PCDH11X: variants seen among roughly 807,000 people sequenced by gnomAD.
PCDH11X encodes protocadherin 11 X-linked, also known as protocadherin-11 X-linked.
PCDH11X carries 18 observed loss-of-function variants against 53.3 expected under a neutral mutation model. That is an observed-to-expected ratio of 0.34 (90% confidence interval 0.23 to 0.50). PCDH11X has a LOEUF of 0.50. PCDH11X is among the 20% of genes least tolerant of loss of function. PCDH11X has a pLI of 0.98. For synonymous variants in PCDH11X, 279 were observed against 393.3 expected, an observed-to-expected ratio of 0.71 and a Z score of 3.44; for missense variants, 570 against 1,032.4, an observed-to-expected ratio of 0.55 and a Z score of 6.14.
chrX:92,580,487 C>G (rs1038768182), intron 10 of PCDH11X, among the ~76,000 whole-genome samples: 2 of 107,814 alleles, frequency 1.9e-5, no homozygotes, highest in Admixed American at 9.7e-5. Flanking sequence ...GGGATGGATC[C>G]TAGTCCCATC....
intron 6 of PCDH11X, among the ~76,000 whole-genome samples, chrX:92,129,979 C>T (rs1253104212): frequency 1.8e-5 from 2 of 111,894 alleles, no homozygotes; most frequent in Non-Finnish European, 3.8e-5. Context: ...CGCACACGCA[C>T]ACGCACATGC....
At chrX:92,069,743 A>T (rs1267581944) in intron 6 of PCDH11X, among the ~76,000 whole-genome samples, 4 of 111,599 alleles carry the variant, frequency 3.6e-5, no homozygotes, top group Non-Finnish European at 7.5e-5. Context: ...GTGCAGTGGC[A>T]CGATTTTGAC....
intron 7 of PCDH11X, among the ~76,000 whole-genome samples, chrX:92,230,539 T>A (rs1269502755): frequency 3.2e-5 from 3 of 93,774 alleles, no homozygotes; most frequent in African/African-American, 1.2e-4. Flanking sequence ...ACATATATAA[T>A]ATCTATAATA....
At chrX:92,475,506 A>G (rs2073364423) in intron 10 of PCDH11X, among the ~76,000 whole-genome samples, 1 of 111,944 alleles carries the variant, frequency 8.9e-6, no homozygotes, top group Non-Finnish European at 1.9e-5. Context: ...CCACTCTCTC[A>G]TGCCCTGTAA....
chrX:92,596,771 G>A (rs1356507112), intron 10 of PCDH11X, among the ~76,000 whole-genome samples: 1 of 110,145 alleles, frequency 9.1e-6, no homozygotes, highest in Non-Finnish European at 1.9e-5. Context: ...GAAAACAACA[G>A]GCCCCAATGT....
At chrX:92,227,781 T>C (rs773520546) in intron 7 of PCDH11X, among the ~76,000 whole-genome samples, 1 of 111,155 alleles carries the variant, frequency 9.0e-6, no homozygotes, top group African/African-American at 3.3e-5. Context: ...TAGGAGCCTA[T>C]TGAAAAATTC....
At chrX:91,803,774 C>A (rs1404936865) in intron 1 of PCDH11X, among the ~76,000 whole-genome samples, 4 of 111,725 alleles carry the variant, frequency 3.6e-5, no homozygotes, top group Non-Finnish European at 7.5e-5. Flanking sequence ...TGATTACATT[C>A]TTTGGAAATT....
intron 6 of PCDH11X, among the ~76,000 whole-genome samples, chrX:91,919,764 A>G (rs962076086): frequency 5.4e-5 from 6 of 111,297 alleles, no homozygotes; most frequent in African/African-American, 1.6e-4. Context: ...TAATAAAAAA[A>G]TTATCTGGAT....
intron 8 of PCDH11X, among the ~76,000 whole-genome samples, chrX:92,284,355 G>A (rs931648610): frequency 9.1e-6 from 1 of 109,738 alleles, no homozygotes; most frequent in Non-Finnish European, 1.9e-5. Context: ...TAGAATGTGT[G>A]TGGGACTGTG....
At position 92,564,333 on chromosome X, in the gene PCDH11X, A is replaced by G. The variant is rs778242222; in HGVS notation, c.3368-53931A>G. Among the ~76,000 whole-genome samples the G allele has an allele frequency of 4.8e-5, 5 of 104,857 alleles. No individual in the cohort carries two copies. The South Asian group carries it at 2.2e-3, about 46-fold the overall frequency. 91.1% of individuals were successfully genotyped at this position (104,857 alleles called of 115,157 possible). The stretch of plus-strand genomic sequence containing the variant: ...CAAAGCTATTCTGAGCCAAAAGGAA[A>G]AAAATGGAGGAATCACTTCACCTTG... On this transcript the variant is annotated intron_variant, in intron 10 of 10. Coordinates refer to ENST00000682573, the MANE Select transcript of PCDH11X (RefSeq NM_032968.5).
chrX:92,536,189 G>A (rs192107851), intron 10 of PCDH11X, among the ~76,000 whole-genome samples: 100 of 110,955 alleles, frequency 9.0e-4, no homozygotes, highest in African/African-American at 3.2e-3. Flanking sequence ...CTGTTCTTCT[G>A]TTAGTACTTA....
intron 6 of PCDH11X, among the ~76,000 whole-genome samples, chrX:92,082,437 T>C (rs945461353): frequency 1.8e-5 from 2 of 111,542 alleles, no homozygotes; most frequent in South Asian, 3.7e-4. Flanking sequence ...GTGATAGTTT[T>C]TGCTCTTGTT....
At chrX:92,139,869 T>C (rs1301761904) in intron 6 of PCDH11X, among the ~76,000 whole-genome samples, 2 of 110,836 alleles carry the variant, frequency 1.8e-5, no homozygotes, top group African/African-American at 6.5e-5. Context: ...AAGAAGGGAC[T>C]ATTTTTCTAT....
At chrX:92,534,453 A>C (rs1429899530) in intron 10 of PCDH11X, among the ~76,000 whole-genome samples, 2 of 111,770 alleles carry the variant, frequency 1.8e-5, no homozygotes, top group African/African-American at 6.5e-5. Flanking sequence ...AGTGACGGGG[A>C]GAATGGAACC....
At chrX:92,313,665 A>C (rs1401060402) in intron 8 of PCDH11X, among the ~76,000 whole-genome samples, 1 of 109,492 alleles carries the variant, frequency 9.1e-6, no homozygotes, top group Non-Finnish European at 1.9e-5. Flanking sequence ...ACATCATAGA[A>C]TGTCCTTACA....
At chrX:92,403,804 C>G (rs1483466349) in intron 9 of PCDH11X, among the ~76,000 whole-genome samples, 2 of 111,458 alleles carry the variant, frequency 1.8e-5, no homozygotes, top group Non-Finnish European at 3.8e-5. Context: ...TAAAATCTAA[C>G]AAGAAAATCA....
intron 6 of PCDH11X, among the ~76,000 whole-genome samples, chrX:92,000,051 C>T (rs1478857432): frequency 2.7e-5 from 3 of 111,642 alleles, no homozygotes; most frequent in Non-Finnish European, 5.6e-5. Flanking sequence ...AGTCAACTGG[C>T]AGGCAGACAG....
chrX:92,611,324 G>A, intron 10 of PCDH11X, among the ~76,000 whole-genome samples: 1 of 108,202 alleles, frequency 9.2e-6, no homozygotes, highest in Non-Finnish European at 1.9e-5. Context: ...TTGCTGCCTT[G>A]GTTAGATTTA....
rs1007984759 is a variant in PCDH11X at position 92,172,912 on chromosome X, A to C, written c.3034-28463A>C. On this transcript the variant is annotated intron_variant, in intron 6 of 10. Transcript: ENST00000682573. ...GGTGTAGTACTTAAGGTAATTCCTA[A>C]AGTACTTAAGGTAAATTCAAAACTG... Among the ~76,000 whole-genome samples, 4 of 111,783 alleles carry C rather than the reference A, an allele frequency of 3.6e-5. No homozygotes were observed. In the Admixed American group the frequency reaches 3.8e-4, roughly 11 times the overall value.
Sources: allele counts gnomAD v4.1 joint callset (sites outside exome capture counted in the v4.1 genomes callset), GRCh38; gene constraint gnomAD v4.1.1; transcripts MANE v1.5; gene names NCBI Gene and HGNC (gene_info 2026-07-23, HGNC 2026-07-21).